UVSSA: variants seen among roughly 807,000 people sequenced by gnomAD.
The protein encoded by UVSSA is UV stimulated scaffold protein A.
In UVSSA, 72 loss-of-function variants were observed where a neutral mutation model predicts 73.9. That is an observed-to-expected ratio of 0.97 (90% CI 0.81 to 1.19). UVSSA has a LOEUF of 1.19. Ranked by LOEUF, UVSSA falls within the 50% of genes most tolerant of loss-of-function variation. UVSSA has a pLI of 0.00. For synonymous variants in UVSSA, 454 were observed against 391.3 expected (o/e 1.16, Z -1.89); for missense variants, 1,150 against 965.0 (o/e 1.19, Z -2.54).
chr4:1,352,771 G>A (rs1714988460), intron 4 of UVSSA, among the ~76,000 whole-genome samples: 3 of 152,254 alleles, frequency 2.0e-5, no homozygotes, highest in Admixed American at 6.5e-5. Context: ...GGGCAACATA[G>A]CAGGACCCTG....
chr4:1,347,283 C>T lies in UVSSA; in HGVS notation c.-480C>T, dbSNP rs924590297. 2 of 136,100 alleles carry T rather than the reference C, an allele frequency of 1.5e-5. No individual in the cohort carries two copies. The highest frequency in any genetic ancestry group is 1.9e-4 in the East Asian group (1 of 5,148). 8.4% of individuals were successfully genotyped at this position (136,100 alleles called of 1,614,324 possible). A position where few individuals can be genotyped will look rare whatever the true frequency, so the allele number is the denominator to read the frequency against. On this transcript the variant is annotated 5_prime_UTR_variant, in exon 1 of 14. Transcript: ENST00000389851. ...GCGGGGGTCGCGCCGGTTCGGTCCC[C>T]GGGGCTCTGCGGGCGCCGGGCAGAG...
At chr4:1,343,217 T>C (rs1713494083), upstream of UVSSA, among the ~76,000 whole-genome samples, 1 of 152,162 alleles carries the variant, frequency 6.6e-6, no homozygotes, top group African/African-American at 2.4e-5. Context: ...TCTTCCCGGC[T>C]TGCAGACGGC....
At chr4:1,360,787 A>G (rs1398856828) in intron 7 of UVSSA, among the ~76,000 whole-genome samples, 2 of 152,226 alleles carry the variant, frequency 1.3e-5, no homozygotes, top group South Asian at 2.1e-4. Context: ...GGCAGGAGCT[A>G]CTAGGTTTGG....
Position 1,353,135 on chromosome 4 carries a change from T to C in UVSSA, c.656T>C (p.Met219Thr). Residue 219 changes from methionine to threonine, a missense_variant, in exon 5 of 14, where the codon ATG becomes ACG. By Grantham distance (81) the Met-to-Thr change is moderately conservative (BLOSUM62 -1). Transcript: ENST00000389851. ...DPNPETESLG[M>T]ASGMSDALRS... Reference sequence around the variant, plus strand: ...AACCCGGAGACGGAATCCCTTGGCATGGCTTCTGGCATGTCCGATGCCCTT... The same window carrying C: ...AACCCGGAGACGGAATCCCTTGGCACGGCTTCTGGCATGTCCGATGCCCTT... 8.1e-6 allele frequency: 13 copies of C among 1,613,080 alleles called. No individual in the cohort carries two copies. Among genetic ancestry groups the C allele is most frequent in the African/African-American group, 1.3e-5 (1 of 75,076 alleles).
intron 7 of UVSSA, among the ~76,000 whole-genome samples, chr4:1,362,829 G>C (rs567512989): frequency 6.6e-6 from 1 of 152,128 alleles, no homozygotes; most frequent in South Asian, 2.1e-4. Context: ...TCGAGGCCTC[G>C]GGGAGCTCTG....
Position 1,385,864 on chromosome 4 carries a change from A to T in UVSSA, c.2037-4A>T, listed in dbSNP as rs183290226. 2 of 1,613,858 alleles carry T rather than the reference A, an allele frequency of 1.2e-6. No homozygotes were observed. Among genetic ancestry groups the T allele is most frequent in the African/African-American group, 2.7e-5 (2 of 74,938 alleles). ...AGGTCACATCTTGCCTTGTTTCCCC[A>T]CAGGGCAGCTGTGCGGAGGGTAGTG... is the stretch of plus-strand genomic sequence containing the variant. On this transcript the variant is annotated splice_polypyrimidine_tract_variant and splice_region_variant and intron_variant, in intron 13 of 13. Transcript: ENST00000389851.
Position 1,395,781 on chromosome 4 carries a change from C to T in UVSSA, c.*9820C>T, listed in dbSNP as rs752405363. The T allele has an allele frequency of 2.0e-5, 32 of 1,614,094 alleles. No individual in the cohort carries two copies. The highest frequency in any genetic ancestry group is 2.5e-5 in the Non-Finnish European group (30 of 1,180,042). On this transcript the variant is annotated 3_prime_UTR_variant, in exon 14 of 14. Coordinates refer to the UVSSA transcript ENST00000511216. ...AGACGCTGTTACCGTACATTCTACT[C>T]ATGGTGGCTTTTTAATACGTTTTTA...
chr4:1,352,910 A>G (rs1560427039), intron 4 of UVSSA, 120 bp from the exon 5 acceptor site: 2 of 1,345,912 alleles, frequency 1.5e-6, no homozygotes, highest in Non-Finnish European at 2.0e-6. Context: ...GCACCACTGC[A>G]TTCCACCTGG....
At chr4:1,379,662 G>T (rs1719205866) in intron 10 of UVSSA, among the ~76,000 whole-genome samples, 1 of 152,204 alleles carries the variant, frequency 6.6e-6, no homozygotes, top group African/African-American at 2.4e-5. Context: ...GGCCTTCAAG[G>T]TCACGCCTCA....
intron 10 of UVSSA, among the ~76,000 whole-genome samples, chr4:1,378,389 C>T (rs558965588): frequency 3.3e-5 from 5 of 152,300 alleles, no homozygotes; most frequent in African/African-American, 1.2e-4. Flanking sequence ...CCCATCACTA[C>T]TAAAAATATA....
chr4:1,359,184 T>C (rs1207138434), intron 7 of UVSSA: 2 of 152,276 alleles, frequency 1.3e-5, no homozygotes, highest in East Asian at 3.8e-4. Context: ...GTGGCTTCCG[T>C]CTGGGGACAG....
chr4:1,353,424 T>TCGCGG lies in UVSSA; in HGVS notation c.934+12_934+16dup, dbSNP rs1433119463. 4 of 1,473,258 alleles carry TCGCGG rather than the reference T, an allele frequency of 2.7e-6. No individual in the cohort carries two copies. Among genetic ancestry groups the TCGCGG allele is most frequent in the Non-Finnish European group, 3.6e-6 (4 of 1,107,966 alleles). 91.3% of individuals were successfully genotyped at this position (1,473,258 alleles called of 1,614,324 possible). On this transcript the variant is annotated intron_variant, in intron 5 of 13. Coordinates refer to ENST00000389851, the MANE Select transcript of UVSSA (RefSeq NM_020894.4). ...TGGAGCTCTGCTCAGGTAACTGCCT[T>TCGCGG]CGCGGGGTCTCTGTGGCGCCACCCT...
chr4:1,347,807 G>C (rs966447266), intron 1 of UVSSA, 47 bp downstream of exon 1: 3 of 348,636 alleles, frequency 8.6e-6, no homozygotes, highest in African/African-American at 4.3e-5. Context: ...AAGCTGATTC[G>C]GACAGCGCCA....
Position 1,355,227 on chromosome 4 carries a change from G to C in UVSSA, c.1158G>C (p.Glu386Asp), listed in dbSNP as rs976912682. The C allele has an allele frequency of 6.2e-6, 10 of 1,612,430 alleles. No homozygotes were observed. Among genetic ancestry groups the C allele is most frequent in the African/African-American group, 5.3e-5 (4 of 74,926 alleles). ...RKYKELDIEP[E>D]GGERRRTEAL... ...ACAAGGAGCTGGACATCGAGCCTGA[G>C]GGAGGGGAAAGGCGCAGGGTGAGTG... The change falls in exon 7 of 14, where the codon GAG (glutamate) becomes GAC (aspartate). Residue 386 changes from glutamate (E) to aspartate (D), a missense_variant. Transcript: ENST00000389851.
At chr4:1,372,680 C>G (rs973889957) in intron 8 of UVSSA, among the ~76,000 whole-genome samples, 5 of 133,302 alleles carry the variant, frequency 3.8e-5, no homozygotes, top group African/African-American at 6.3e-5. Context: ...CCTCCCGCGT[C>G]TCAGGGCACT....
At chr4:1,354,673 TC>T in intron 5 of UVSSA, 61 bp from the exon 6 acceptor site, 2 of 1,492,182 alleles carry the variant, frequency 1.3e-6, no homozygotes, top group Non-Finnish European at 1.8e-6. Context: ...GGTCTGCCTC[TC>T]CGGGGCCTGT....
rs115584362 is a variant in UVSSA at position 1,384,303 on chromosome 4, G to A, written c.2036+363G>A. 1,628 of 263,642 alleles carry A rather than the reference G, an allele frequency of 6.2e-3. 23 individuals are homozygous for A. The highest frequency in any genetic ancestry group is 0.027 in the South Asian group (471 of 17,544). The allele number at this position is 263,642 out of a possible 1,614,324, so 16.3% of individuals were successfully genotyped here. On this transcript the variant is annotated intron_variant, in intron 13 of 13. Transcript: ENST00000389851. ...GCTGTACCCCCAGGTCAGTGCCTGC[G>A]TATTTCTGCAGCGGTGACTTCAGGG...
intron 7 of UVSSA, among the ~76,000 whole-genome samples, chr4:1,362,428 G>T (rs748223836): frequency 2.4e-4 from 37 of 152,360 alleles, no homozygotes; most frequent in Non-Finnish European, 4.4e-4. Context: ...GGGACAGCCT[G>T]CAGGTGACCT....
chr4:1,352,087 G>A (rs1056863228), intron 4 of UVSSA, among the ~76,000 whole-genome samples: 4 of 152,260 alleles, frequency 2.6e-5, no homozygotes, highest in Non-Finnish European at 5.9e-5. Flanking sequence ...GGGCAGAGAT[G>A]CCAGGCACAG....
Sources: gnomAD v4.1 joint callset for allele counts (sites outside exome capture counted in the v4.1 genomes callset) on GRCh38, gnomAD v4.1.1 for gene constraint, MANE v1.5 for transcripts, NCBI Gene and HGNC (gene_info 2026-07-23, HGNC 2026-07-21) for gene names.